HSD17B12: variants seen among roughly 807,000 people sequenced by gnomAD.
HSD17B12 encodes the protein very-long-chain 3-oxoacyl-CoA reductase.
HSD17B12 carries 32 observed loss-of-function variants against 39.3 expected under a neutral mutation model. The ratio of observed to expected loss-of-function variants is 0.81; its 90% CI spans 0.61 to 1.09. HSD17B12 has a LOEUF of 1.09. Ranked by LOEUF, HSD17B12 falls within the 50% of genes least tolerant of loss-of-function variation. The probability of loss-of-function intolerance (pLI) is 0.00; values close to 1 mark genes in which losing one functional copy is unlikely to be tolerated. For synonymous variants in HSD17B12, 150 were observed against 146.7 expected (o/e 1.02, Z -0.16); for missense variants, 342 against 382.9 (o/e 0.89, Z 0.89).
upstream of HSD17B12, among the ~76,000 whole-genome samples, chr11:43,677,166 G>C (rs1193478706): frequency 6.6e-6 from 1 of 152,180 alleles, no homozygotes; most frequent in African/African-American, 2.4e-5. Context: ...TCTGATAAGA[G>C]AATGGAGAAG....
chr11:43,761,708 C>G (rs1269230514), intron 3 of HSD17B12, among the ~76,000 whole-genome samples: 1 of 152,214 alleles, frequency 6.6e-6, no homozygotes, highest in Non-Finnish European at 1.5e-5. Flanking sequence ...GGACTGTTGA[C>G]TAGAACACCT....
intron 1 of HSD17B12, among the ~76,000 whole-genome samples, chr11:43,713,577 T>C (rs1950090978): frequency 6.6e-6 from 1 of 152,166 alleles, no homozygotes; most frequent in African/African-American, 2.4e-5. Flanking sequence ...TGAATAGTGC[T>C]GCAGTAAACA....
intron 1 of HSD17B12, among the ~76,000 whole-genome samples, chr11:43,697,464 C>A (rs1206343616): frequency 6.6e-6 from 1 of 152,152 alleles, no homozygotes; most frequent in Non-Finnish European, 1.5e-5. Context: ...CTCATTTAAT[C>A]TGCACATAAT....
chr11:43,557,419 GAA>G, the HSD17B12 span, among the ~76,000 whole-genome samples: 1 of 152,240 alleles, frequency 6.6e-6, no homozygotes, highest in Non-Finnish European at 1.5e-5. Flanking sequence ...GTCAGAGAGA[GAA>G]AGAATCACGG....
chr11:43,714,729 C>T (rs1759678479), intron 1 of HSD17B12, among the ~76,000 whole-genome samples: 2 of 152,178 alleles, frequency 1.3e-5, no homozygotes, highest in African/African-American at 2.4e-5. Flanking sequence ...TGGCCATTTT[C>T]ATGATATTGA....
chr11:43,751,876 AC>A (rs1393415845), intron 2 of HSD17B12, among the ~76,000 whole-genome samples: 1 of 152,136 alleles, frequency 6.6e-6, no homozygotes, highest in Non-Finnish European at 1.5e-5. Context: ...CACCCTTACA[AC>A]CCCAATACAT....
intron 1 of HSD17B12, among the ~76,000 whole-genome samples, chr11:43,711,730 C>T (rs1950068350): frequency 6.6e-6 from 1 of 151,808 alleles, no homozygotes; most frequent in Admixed American, 6.6e-5. Context: ...ACACCTTGGC[C>T]TCCCAAAGTG....
chr11:43,807,586 T>C (rs1347451261), intron 4 of HSD17B12, among the ~76,000 whole-genome samples: 2 of 152,186 alleles, frequency 1.3e-5, no homozygotes, highest in African/African-American at 4.8e-5. Flanking sequence ...CATTTTAGAA[T>C]TGTAAGCGTG....
intron 3 of HSD17B12, among the ~76,000 whole-genome samples, chr11:43,784,528 T>C (rs903112498): frequency 1.3e-5 from 2 of 152,012 alleles, no homozygotes; most frequent in African/African-American, 4.8e-5. Flanking sequence ...CACTTATTAG[T>C]TGAAGTTCTC....
At chr11:43,678,404 G>C (rs1949712132), upstream of HSD17B12, among the ~76,000 whole-genome samples, 1 of 152,132 alleles carries the variant, frequency 6.6e-6, no homozygotes, top group Non-Finnish European at 1.5e-5. Flanking sequence ...TCTGATGGTA[G>C]TTTCTTTTGC....
the HSD17B12 span, among the ~76,000 whole-genome samples, chr11:43,632,265 T>C: frequency 3.3e-5 from 5 of 152,196 alleles, no homozygotes; most frequent in Non-Finnish European, 7.3e-5. Context: ...TTAGATGATC[T>C]CTGAGGACTC....
the HSD17B12 span, among the ~76,000 whole-genome samples, chr11:43,572,950 T>G: frequency 2.0e-5 from 3 of 152,198 alleles, no homozygotes; most frequent in Non-Finnish European, 2.9e-5. Flanking sequence ...CATTACCTAC[T>G]GGCATTTTTC....
At chr11:43,761,668 C>T (rs1454271380) in intron 3 of HSD17B12, among the ~76,000 whole-genome samples, 1 of 152,200 alleles carries the variant, frequency 6.6e-6, no homozygotes, top group Non-Finnish European at 1.5e-5. Context: ...AGTGACTTGG[C>T]AGGAGATGGC....
intron 9 of HSD17B12, chr11:43,852,572 T>G (rs1253063473): frequency 1.3e-5 from 2 of 152,186 alleles, no homozygotes; most frequent in African/African-American, 4.8e-5. Flanking sequence ...ACATATACTC[T>G]TTCTTTCCTT....
intron 1 of HSD17B12, among the ~76,000 whole-genome samples, chr11:43,682,628 A>G (rs1330267669): frequency 1.3e-5 from 2 of 151,918 alleles, no homozygotes; most frequent in Non-Finnish European, 2.9e-5. Context: ...TGACTTGCCC[A>G]CATTCTTCAT....
chr11:43,759,777 G>A (rs1244398332), intron 3 of HSD17B12, among the ~76,000 whole-genome samples: 1 of 151,834 alleles, frequency 6.6e-6, no homozygotes, highest in Non-Finnish European at 1.5e-5. Flanking sequence ...ACGCAGGCTG[G>A]AATGCAGTGG....
intron 1 of HSD17B12, among the ~76,000 whole-genome samples, chr11:43,698,995 C>T (rs748144067): frequency 6.6e-6 from 1 of 152,146 alleles, no homozygotes; most frequent in Non-Finnish European, 1.5e-5. Flanking sequence ...AAAAGTTAAA[C>T]TAATGTAACC....
At chr11:43,643,939 T>C in the HSD17B12 span, among the ~76,000 whole-genome samples, 2 of 152,226 alleles carry the variant, frequency 1.3e-5, no homozygotes, top group African/African-American at 4.8e-5. Flanking sequence ...TTTGACACTA[T>C]GAGGAGTGCT....
intron 1 of HSD17B12, among the ~76,000 whole-genome samples, chr11:43,707,050 A>G (rs959314481): frequency 1.3e-5 from 2 of 152,194 alleles, no homozygotes; most frequent in South Asian, 2.1e-4. Flanking sequence ...AGAGTAAGAT[A>G]TAACATCAGA....
Sources: gnomAD v4.1 joint callset for allele counts (sites outside exome capture counted in the v4.1 genomes callset) on GRCh38, gnomAD v4.1.1 for gene constraint, MANE v1.5 for transcripts, NCBI Gene and HGNC (gene_info 2026-07-23, HGNC 2026-07-21) for gene names.